The following SHISA6 variants were observed in gnomAD, a reference collection of about 807,000 sequenced individuals.
SHISA6 encodes protein shisa-6.
In SHISA6, 22 loss-of-function variants were observed where a neutral mutation model predicts 47.9. The observed-to-expected ratio is 0.46, with a 90% CI of 0.33 to 0.66. The LOEUF (loss-of-function observed/expected upper bound fraction) is 0.66. SHISA6 is among the 30% of genes least tolerant of loss of function. The probability of loss-of-function intolerance (pLI) is 0.02; values close to 1 mark genes in which losing one functional copy is unlikely to be tolerated. For synonymous variants in SHISA6, 388 were observed against 337.8 expected, an observed-to-expected ratio of 1.15 and a Z score of -1.63; for missense variants, 680 against 764.6, an observed-to-expected ratio of 0.89 and a Z score of 1.30.
chr17:11,502,131 C>T (rs1345604205), intron 3 of SHISA6, among the ~76,000 whole-genome samples: 5 of 152,074 alleles, frequency 3.3e-5, no homozygotes, highest in East Asian at 1.9e-4. Flanking sequence ...AAAAACAGGC[C>T]GGGCGCGGTG....
intron 3 of SHISA6, among the ~76,000 whole-genome samples, chr17:11,487,302 G>A (rs1426723906): frequency 6.6e-6 from 1 of 152,190 alleles, no homozygotes; most frequent in African/African-American, 2.4e-5. Context: ...CAGGCATCCA[G>A]GGGAATGGGC....
intron 1 of SHISA6, among the ~76,000 whole-genome samples, chr17:11,253,797 T>C (rs1221125981): frequency 6.6e-6 from 1 of 152,236 alleles, no homozygotes; most frequent in African/African-American, 2.4e-5. Flanking sequence ...TGAGAATTCA[T>C]GTTATAAACT....
At chr17:11,269,024 C>A (rs1392019967) in intron 2 of SHISA6, among the ~76,000 whole-genome samples, 2 of 151,486 alleles carry the variant, frequency 1.3e-5, no homozygotes, top group African/African-American at 4.9e-5. Flanking sequence ...TATCCGGTGC[C>A]CAGTTTTTTT....
rs896287894 is a variant in SHISA6, at chr17:11,532,982, G to A, written c.896-18914G>A. On this transcript the variant is annotated intron_variant, in intron 3 of 5. Transcript: ENST00000441885. Reference sequence around the variant, plus strand: ...ACTTCTCAGGGATCTGGCAGACTGCGTGAGTGTAAACAGCCACTTTGGGTT... The same window carrying A: ...ACTTCTCAGGGATCTGGCAGACTGCATGAGTGTAAACAGCCACTTTGGGTT... Among the ~76,000 whole-genome samples the A allele has an allele frequency of 1.1e-4, 16 of 152,200 alleles. 1 individual carries two copies. In the Middle Eastern group the frequency reaches 0.01, roughly 97 times the overall value.
At chr17:11,431,219 AG>A (rs1009308014) in intron 3 of SHISA6, among the ~76,000 whole-genome samples, 6 of 152,078 alleles carry the variant, frequency 3.9e-5, no homozygotes, top group Non-Finnish European at 8.8e-5. Flanking sequence ...CATGCCACTG[AG>A]GATTGTACTT....
At chr17:11,480,834 C>T (rs1403815694) in intron 3 of SHISA6, among the ~76,000 whole-genome samples, 2 of 152,052 alleles carry the variant, frequency 1.3e-5, no homozygotes, top group Admixed American at 6.6e-5. Flanking sequence ...CCGAGGAGAA[C>T]CTAATGGTAC....
At chr17:11,273,026 G>A (rs115632291) in intron 2 of SHISA6, among the ~76,000 whole-genome samples, 307 of 152,274 alleles carry the variant, frequency 2.0e-3, no homozygotes, top group African/African-American at 7.1e-3. Flanking sequence ...GCTGGAGAAC[G>A]CTGTTCTTCA....
rs144400099 is a variant in SHISA6, at chr17:11,462,111, A to C, written c.895+82602A>C. ...AGCTGGATCATAATGAGAGAAAACA[A>C]GTTAGAAAAATAGGGCAAAGTGACA... On this transcript the variant is annotated intron_variant, in intron 3 of 5. Coordinates refer to ENST00000441885, the MANE Select transcript of SHISA6 (RefSeq NM_207386.4). Among the ~76,000 whole-genome samples the C allele has an allele frequency of 1.3e-3, 196 of 152,290 alleles. 2 individuals are homozygous for C. The South Asian group carries it at 0.013, about 10-fold the overall frequency.
intron 2 of SHISA6, among the ~76,000 whole-genome samples, chr17:11,308,765 G>A (rs746252695): frequency 1.3e-5 from 2 of 152,130 alleles, no homozygotes; most frequent in African/African-American, 2.4e-5. Context: ...CTCCATGCTC[G>A]GTGGCTGCGA....
At chr17:11,538,070 G>A (rs2071802682) in intron 3 of SHISA6, among the ~76,000 whole-genome samples, 1 of 152,076 alleles carries the variant, frequency 6.6e-6, no homozygotes, top group Non-Finnish European at 1.5e-5. Context: ...TGTTATTGTT[G>A]TTGTTTTTGA....
intron 3 of SHISA6, among the ~76,000 whole-genome samples, chr17:11,442,027 C>T (rs1915108003): frequency 6.6e-6 from 1 of 152,228 alleles, no homozygotes; most frequent in Admixed American, 6.5e-5. Flanking sequence ...CATTGCCCCT[C>T]TCCTTTTAGT....
At chr17:11,268,052 G>T (rs1908492696) in intron 2 of SHISA6, among the ~76,000 whole-genome samples, 1 of 152,118 alleles carries the variant, frequency 6.6e-6, no homozygotes, top group South Asian at 2.1e-4. Context: ...CTGTCCTGGG[G>T]CCTCTGGGGA....
At chr17:11,392,987 G>A (rs1356105823) in intron 3 of SHISA6, among the ~76,000 whole-genome samples, 3 of 152,182 alleles carry the variant, frequency 2.0e-5, no homozygotes, top group South Asian at 2.1e-4. Flanking sequence ...CTTTTTGTGC[G>A]AATTGAGAGG....
intron 2 of SHISA6, among the ~76,000 whole-genome samples, chr17:11,302,669 A>G (rs1430756405): frequency 6.6e-6 from 1 of 152,348 alleles, no homozygotes; most frequent in East Asian, 1.9e-4. Flanking sequence ...GACCAGTCCA[A>G]GCCGTCTTTT....
intron 3 of SHISA6, among the ~76,000 whole-genome samples, chr17:11,450,953 T>C (rs374612767): frequency 2.1e-5 from 3 of 140,542 alleles, no homozygotes; most frequent in Admixed American, 7.4e-5. Flanking sequence ...CATTCTCTGA[T>C]AAGGAGCAAG....
At chr17:11,457,026 G>T (rs1227324762) in intron 3 of SHISA6, among the ~76,000 whole-genome samples, 1 of 152,144 alleles carries the variant, frequency 6.6e-6, no homozygotes, top group African/African-American at 2.4e-5. Flanking sequence ...TGTGCCGTAT[G>T]CTCCCTTGAT....
chr17:11,338,397 AT>A (rs975503466), intron 2 of SHISA6, among the ~76,000 whole-genome samples: 1 of 151,640 alleles, frequency 6.6e-6, no homozygotes, highest in Non-Finnish European at 1.5e-5. Flanking sequence ...TTTTTTGTTT[AT>A]TTTTTTGTTT....
At chr17:11,528,565 G>A (rs1431192163) in intron 3 of SHISA6, among the ~76,000 whole-genome samples, 3 of 152,168 alleles carry the variant, frequency 2.0e-5, no homozygotes, top group African/African-American at 7.2e-5. Flanking sequence ...TAGGCAGCAT[G>A]GAATTGTATG....
chr17:11,412,601 G>T (rs143441099), intron 3 of SHISA6, among the ~76,000 whole-genome samples: 6 of 151,894 alleles, frequency 4.0e-5, no homozygotes, highest in Non-Finnish European at 5.9e-5. Flanking sequence ...GAGTGCAGTG[G>T]CGCGATCTTG....
Sources: allele counts gnomAD v4.1 joint callset (sites outside exome capture counted in the v4.1 genomes callset), GRCh38; gene constraint gnomAD v4.1.1; transcripts MANE v1.5; gene names NCBI Gene and HGNC (gene_info 2026-07-23, HGNC 2026-07-21).